PBX1: variants seen among roughly 807,000 people sequenced by gnomAD.
PBX1 encodes the protein pre-B-cell leukemia transcription factor 1.
A neutral mutation model predicts 53.4 loss-of-function variants in PBX1; 6 were observed. The ratio of observed to expected loss-of-function variants is 0.11; its 90% CI spans 0.06 to 0.22. The LOEUF is 0.22. Among genes scored for constraint, PBX1 ranks in the 10% least tolerant of loss-of-function variants. The pLI is 1.00. For missense variants in PBX1, 251 were observed against 551.4 expected (o/e 0.46, Z 5.46); for synonymous variants, 204 against 212.3 (o/e 0.96, Z 0.34).
chr1:164,561,109 T>G (rs73016976), intron 1 of PBX1, among the ~76,000 whole-genome samples: 1,652 of 152,312 alleles, frequency 0.011, 34 homozygotes, highest in African/African-American at 0.038. Context: ...AATGACCACA[T>G]ATGTCTGTAC....
rs930311080 is a variant in PBX1 at position 164,603,032 on chromosome 1, A to G, written c.265+39721A>G. 3.3e-5 allele frequency among the ~76,000 whole-genome samples: 5 copies of G among 150,958 alleles called. No individual in the cohort carries two copies. The South Asian group carries it at 6.3e-4, about 19-fold the overall frequency. On this transcript the variant is annotated intron_variant, in intron 2 of 8. Coordinates refer to ENST00000420696, the MANE Select transcript of PBX1 (RefSeq NM_002585.4). ...TTTTTTCGTCTTTTCTTCTGCAGCT[A>G]TTTTTTCCCCTACCTTCCTTATAAT...
intron 2 of PBX1, among the ~76,000 whole-genome samples, chr1:164,661,829 C>A (rs571658646): frequency 6.6e-6 from 1 of 152,126 alleles, no homozygotes; most frequent in Non-Finnish European, 1.5e-5. Context: ...AAAAGTAGTG[C>A]TAGCTTTTTA....
At position 164,635,975 on chromosome 1, in the gene PBX1, G is replaced by C. The variant is rs186627561; in HGVS notation, c.265+72664G>C. On this transcript the variant is annotated intron_variant, in intron 2 of 8. Transcript: ENST00000420696. ...TGGCTTCCTGTGCTGGATCACATGA[G>C]GCTGGCTGGGTTCCTCCTTTACTTT... Among the ~76,000 whole-genome samples, 3 of 152,218 alleles carry C rather than the reference G, an allele frequency of 2.0e-5. No homozygotes were observed. In the East Asian group the frequency reaches 5.8e-4, roughly 29 times the overall value.
intron 4 of PBX1, among the ~76,000 whole-genome samples, chr1:164,804,577 G>A (rs138281512): frequency 1.3e-5 from 2 of 152,288 alleles, no homozygotes; most frequent in East Asian, 1.9e-4. Flanking sequence ...TTCACTCATC[G>A]TAGAAAGTAC....
chr1:164,879,334 G>C (rs1672591502), intron 2 of PBX1, among the ~76,000 whole-genome samples: 2 of 152,152 alleles, frequency 1.3e-5, no homozygotes, highest in Admixed American at 6.5e-5. Context: ...GGTGAGAAAG[G>C]CCTGGATTTG....
intron 2 of PBX1, among the ~76,000 whole-genome samples, chr1:164,786,720 T>TGTGTGTGTGTGTGCGCGC (rs1357886882): frequency 3.2e-4 from 37 of 116,284 alleles, no homozygotes; most frequent in African/African-American, 1.2e-3. Flanking sequence ...TGTGTGTGTG[T>TGTGTGTGTGTGTGCGCGC]GCGCGCGCAC....
At chr1:164,784,378 C>T (rs1388033694) in intron 2 of PBX1, among the ~76,000 whole-genome samples, 1 of 152,234 alleles carries the variant, frequency 6.6e-6, no homozygotes, top group Non-Finnish European at 1.5e-5. Flanking sequence ...AGCTTTCTCC[C>T]TGCCAGCTGG....
At chr1:164,752,206 T>TTGTGTGTGTG (rs10629820) in intron 2 of PBX1, among the ~76,000 whole-genome samples, 184 of 143,124 alleles carry the variant, frequency 1.3e-3, no homozygotes, top group African/African-American at 2.1e-3. Flanking sequence ...CTTTAAGGTT[T>TTGTGTGTGTG]TGTGTGTGTG....
intron 3 of PBX1, among the ~76,000 whole-genome samples, chr1:164,792,961 A>G (rs1020442809): frequency 6.6e-6 from 1 of 152,192 alleles, no homozygotes; most frequent in Non-Finnish European, 1.5e-5. Flanking sequence ...TAAAGGCATT[A>G]AAAAATGTGT....
intron 4 of PBX1, among the ~76,000 whole-genome samples, chr1:164,802,557 A>G (rs996136359): frequency 6.6e-6 from 1 of 152,116 alleles, no homozygotes; most frequent in South Asian, 2.1e-4. Flanking sequence ...CGTTTACTCA[A>G]AGTCAGCTGA....
chr1:164,781,854 C>T (rs1667951415), intron 2 of PBX1, among the ~76,000 whole-genome samples: 1 of 152,036 alleles, frequency 6.6e-6, no homozygotes, highest in South Asian at 2.1e-4. Flanking sequence ...TTTTCTGTGA[C>T]TTGCCTCTGG....
intron 2 of PBX1, among the ~76,000 whole-genome samples, chr1:164,766,423 A>T (rs1388074143): frequency 6.6e-6 from 1 of 151,934 alleles, no homozygotes; most frequent in East Asian, 1.9e-4. Context: ...AATCATCATC[A>T]CCCCTGCTTT....
At chr1:164,617,839 A>C (rs773904629) in intron 2 of PBX1, among the ~76,000 whole-genome samples, 113 of 152,146 alleles carry the variant, frequency 7.4e-4, no homozygotes, top group Admixed American at 3.5e-3. Flanking sequence ...ACATGTGTGG[A>C]TCTCCTTTCA....
chr1:164,744,863 T>C (rs747029483), intron 2 of PBX1, among the ~76,000 whole-genome samples: 29 of 152,160 alleles, frequency 1.9e-4, no homozygotes, highest in Middle Eastern at 3.4e-3. Flanking sequence ...TCTCATCTTA[T>C]CTAAGAAGAC....
At chr1:164,839,353 C>T (rs78134950) in intron 8 of PBX1, among the ~76,000 whole-genome samples, 2,905 of 152,276 alleles carry the variant, frequency 0.019, 106 homozygotes, top group African/African-American at 0.064. Context: ...CAAGTGGGCA[C>T]TGAATACGTA....
At chr1:164,737,662 A>G (rs759790789) in intron 2 of PBX1, among the ~76,000 whole-genome samples, 4 of 152,090 alleles carry the variant, frequency 2.6e-5, no homozygotes, top group Non-Finnish European at 4.4e-5. Context: ...TATCTTTAGT[A>G]GAGACAGGGT....
intron 2 of PBX1, among the ~76,000 whole-genome samples, chr1:164,571,918 C>CATATT (rs1557867060): frequency 1.4e-4 from 6 of 42,332 alleles, no homozygotes; most frequent in African/African-American, 3.5e-4. Flanking sequence ...TATATATATG[C>CATATT]TTTTTTTTTT....
At position 164,849,669 on chromosome 1, in the gene PBX1, TCCA is replaced by T. The variant is rs1671738700; in HGVS notation, c.*2994_*2996del. ...CTTATCTCCTCCTTTTCATCCCTAATCCATCCTCCCTCTGGCATGGAATTGACG... is the reference window on the plus strand; with the variant it reads ...CTTATCTCCTCCTTTTCATCCCTAATTCCTCCCTCTGGCATGGAATTGACG... On this transcript the variant is annotated 3_prime_UTR_variant, in exon 9 of 9. Coordinates refer to ENST00000420696, the MANE Select transcript of PBX1 (RefSeq NM_002585.4). 2 of 427,902 alleles carry T rather than the reference TCCA, an allele frequency of 4.7e-6. No individual in the cohort carries two copies. Among genetic ancestry groups the T allele is most frequent in the South Asian group, 1.0e-4 (2 of 19,410 alleles). 26.5% of individuals were successfully genotyped at this position (427,902 alleles called of 1,614,324 possible).
chr1:164,672,596 C>A (rs1356125371), intron 2 of PBX1, among the ~76,000 whole-genome samples: 2 of 152,142 alleles, frequency 1.3e-5, no homozygotes, highest in African/African-American at 4.8e-5. Flanking sequence ...TTCCCCCTTT[C>A]TTCTTGAGCT....
Sources: gnomAD v4.1 joint callset for allele counts (sites outside exome capture counted in the v4.1 genomes callset) on GRCh38, gnomAD v4.1.1 for gene constraint, MANE v1.5 for transcripts, NCBI Gene and HGNC (gene_info 2026-07-23, HGNC 2026-07-21) for gene names.